C12orf75: variants seen among roughly 807,000 people sequenced by gnomAD.
C12orf75 encodes the protein chromosome 12 open reading frame 75.
Under a neutral mutation model 11.4 loss-of-function variants are expected in C12orf75, and 4 were observed. The ratio of observed to expected loss-of-function variants is 0.35; its 90% confidence interval spans 0.17 to 0.80. The LOEUF (loss-of-function observed/expected upper bound fraction) is 0.80, where lower values mean the gene tolerates loss of function less well. Ranked by LOEUF, C12orf75 falls within the 30% of genes least tolerant of loss-of-function variation. C12orf75 has a pLI of 0.52. For synonymous variants in C12orf75, 30 were observed against 30.0 expected, an observed-to-expected ratio of 1.00 and a Z score of 0.00; for missense variants, 89 against 80.4, an observed-to-expected ratio of 1.11 and a Z score of -0.41.
At chr12:105,355,048 T>A (rs1353852912) in intron 2 of C12orf75, among the ~76,000 whole-genome samples, 4 of 151,990 alleles carry the variant, frequency 2.6e-5, no homozygotes, top group African/African-American at 9.7e-5. Flanking sequence ...CCAGGAACTA[T>A]ACTCCATGGA....
At position 105,370,687 on chromosome 12, in the gene C12orf75, A is replaced by G; in HGVS notation, c.*87A>G. On this transcript the variant is annotated 3_prime_UTR_variant, in exon 6 of 6. Coordinates refer to ENST00000443585, the MANE Select transcript of C12orf75 (RefSeq NM_001145199.2). ...CTCCGTGGGACGTTGTAATGTGCAC[A>G]GACATTTCCAAGGAAATTCTAAACA... 2.2e-6 allele frequency: 1 copy of G among 457,658 alleles called. No homozygotes were observed. The highest frequency in any genetic ancestry group is 1.5e-5 in the South Asian group (1 of 64,556). The allele number at this position is 457,658 out of a possible 1,614,324, so 28.3% of individuals were successfully genotyped here. A position where few individuals can be genotyped will look rare whatever the true frequency, so the allele number is the denominator to read the frequency against.
At chr12:105,339,566 T>C (rs1181861719) in intron 1 of C12orf75, among the ~76,000 whole-genome samples, 2 of 152,164 alleles carry the variant, frequency 1.3e-5, no homozygotes, top group Non-Finnish European at 2.9e-5. Context: ...TATAGTATGG[T>C]GGTCATAAAA....
intron 2 of C12orf75, 80 bp downstream of exon 2, chr12:105,348,706 T>C (rs1399401967): frequency 2.2e-6 from 2 of 895,478 alleles, no homozygotes; most frequent in African/African-American, 3.4e-5. Flanking sequence ...CCTTTAGATC[T>C]CTGTGGGTAT....
intron 2 of C12orf75, among the ~76,000 whole-genome samples, chr12:105,359,648 A>G (rs1892833256): frequency 6.6e-6 from 1 of 151,734 alleles, no homozygotes; most frequent in Admixed American, 6.6e-5. Context: ...GTGTGTGCCT[A>G]TAGTCCCAGG....
intron 2 of C12orf75, among the ~76,000 whole-genome samples, chr12:105,354,554 T>A (rs1329795805): frequency 1.3e-5 from 2 of 152,218 alleles, no homozygotes; most frequent in Non-Finnish European, 2.9e-5. Context: ...GGCATTATGC[T>A]TGTTGCCCCC....
intron 5 of C12orf75, among the ~76,000 whole-genome samples, chr12:105,368,424 G>A (rs1871538884): frequency 6.6e-6 from 1 of 152,186 alleles, no homozygotes; most frequent in African/African-American, 2.4e-5. Context: ...TACTAGCTGG[G>A]CACGTTCCTT....
chr12:105,341,667 C>T (rs1352463144), intron 1 of C12orf75, among the ~76,000 whole-genome samples: 2 of 152,210 alleles, frequency 1.3e-5, no homozygotes, highest in Non-Finnish European at 2.9e-5. Context: ...GCAGAAGCCT[C>T]TGGCCCCAGT....
At chr12:105,362,922 T>G (rs1892893729) in intron 2 of C12orf75, among the ~76,000 whole-genome samples, 1 of 152,226 alleles carries the variant, frequency 6.6e-6, no homozygotes, top group African/African-American at 2.4e-5. Flanking sequence ...ATTAGCAAAG[T>G]GCCTAGTATA....
At chr12:105,360,742 C>T (rs1490013750) in intron 2 of C12orf75, among the ~76,000 whole-genome samples, 1 of 152,026 alleles carries the variant, frequency 6.6e-6, no homozygotes, top group Non-Finnish European at 1.5e-5. Flanking sequence ...ACCACTGTCT[C>T]CCGGGCTCAG....
chr12:105,359,359 C>T (rs1402912650), intron 2 of C12orf75, among the ~76,000 whole-genome samples: 2 of 152,164 alleles, frequency 1.3e-5, no homozygotes, highest in Non-Finnish European at 2.9e-5. Context: ...AAGGGGTACT[C>T]TTGTTGCCCC....
Position 105,337,249 on chromosome 12 carries a change from A to G in C12orf75, c.46+6312A>G, listed in dbSNP as rs376563104. ...TGAAGTGGGAGAATTGCTTGAACCCAGGAGGGTTGCAAGTGAGGCTGCAGT... is the reference window on the plus strand; with the variant it reads ...TGAAGTGGGAGAATTGCTTGAACCCGGGAGGGTTGCAAGTGAGGCTGCAGT... On this transcript the variant is annotated intron_variant, in intron 1 of 5. Transcript: ENST00000443585. Among the ~76,000 whole-genome samples the G allele has an allele frequency of 6.2e-4, 94 of 152,218 alleles. No individual in the cohort carries two copies. The East Asian group carries it at 0.015, about 25-fold the overall frequency.
chr12:105,367,180 G>C (rs1272587049), intron 4 of C12orf75, among the ~76,000 whole-genome samples: 1 of 152,128 alleles, frequency 6.6e-6, no homozygotes, highest in Admixed American at 6.5e-5. Flanking sequence ...ATATCTTCTT[G>C]CTCAAGGCAA....
intron 5 of C12orf75, among the ~76,000 whole-genome samples, chr12:105,368,740 G>A (rs1362523249): frequency 1.3e-5 from 2 of 152,098 alleles, no homozygotes; most frequent in East Asian, 1.9e-4. Flanking sequence ...GAAAGGAGAC[G>A]CAGAAACTGT....
intron 1 of C12orf75, among the ~76,000 whole-genome samples, chr12:105,336,433 G>A (rs1592875746): frequency 6.6e-6 from 1 of 152,352 alleles, no homozygotes; most frequent in Non-Finnish European, 1.5e-5. Context: ...TGTAGATTCA[G>A]TGAGTTAATG....
At position 105,330,955 on chromosome 12, in the gene C12orf75, C is replaced by G; in HGVS notation, c.46+18C>G. 1 of 1,000,494 alleles carries G rather than the reference C, an allele frequency of 1.0e-6. No individual in the cohort carries two copies. Among genetic ancestry groups the G allele is most frequent in the Non-Finnish European group, 1.3e-6 (1 of 777,980 alleles). 62.0% of individuals were successfully genotyped at this position (1,000,494 alleles called of 1,614,324 possible). A position where few individuals can be genotyped will look rare whatever the true frequency, so the allele number is the denominator to read the frequency against. ...GGGCCAAGGTGAGTCCGGCGGGAGG[C>G]GGGGGCCGGCGGGGGCGGGCGGGAG... On this transcript the variant is annotated intron_variant, in intron 1 of 5. Transcript: ENST00000443585.
At chr12:105,331,345 GA>G (rs1322485052) in intron 1 of C12orf75, among the ~76,000 whole-genome samples, 1 of 151,698 alleles carries the variant, frequency 6.6e-6, no homozygotes, top group African/African-American at 2.4e-5. Context: ...GCTGCACCTG[GA>G]AAAGTGCAGC....
At chr12:105,349,244 T>A (rs1025623458) in intron 2 of C12orf75, among the ~76,000 whole-genome samples, 1 of 152,166 alleles carries the variant, frequency 6.6e-6, no homozygotes, top group Non-Finnish European at 1.5e-5. Context: ...ACTACAGCAG[T>A]TCACTCTTTA....
chr12:105,356,448 T>TG (rs1892782033), intron 2 of C12orf75, among the ~76,000 whole-genome samples: 1 of 150,310 alleles, frequency 6.7e-6, no homozygotes, highest in Admixed American at 6.6e-5. Flanking sequence ...GCTTTTTTTT[T>TG]TTTTTTTTTT....
intron 1 of C12orf75, 36 bp downstream of exon 1, chr12:105,330,973 G>T: frequency 2.6e-6 from 3 of 1,147,128 alleles, no homozygotes; most frequent in Non-Finnish European, 3.3e-6. Context: ...GGCGGGGGCG[G>T]GCGGGAGAGG....
Sources: allele counts gnomAD v4.1 joint callset (sites outside exome capture counted in the v4.1 genomes callset), GRCh38; gene constraint gnomAD v4.1.1; transcripts MANE v1.5; gene names NCBI Gene and HGNC (gene_info 2026-07-23, HGNC 2026-07-21).